Variants in RNF149 observed in about 807,000 individuals in gnomAD.
RNF149 encodes E3 ubiquitin-protein ligase RNF149.
RNF149 carries 21 observed loss-of-function variants against 39.0 expected under a neutral mutation model. The observed-to-expected ratio is 0.54, with a 90% confidence interval of 0.38 to 0.77. RNF149 has a LOEUF of 0.77. Ranked by LOEUF, RNF149 falls within the 30% of genes least tolerant of loss-of-function variation. The probability of loss-of-function intolerance (pLI) is 0.00; values close to 1 mark genes in which losing one functional copy is unlikely to be tolerated. For synonymous variants in RNF149, 209 were observed against 213.6 expected (o/e 0.98, Z 0.19); for missense variants, 493 against 534.9 (o/e 0.92, Z 0.77).
chr2:101,300,900 T>C lies in RNF149; in HGVS notation c.461-5719A>G, dbSNP rs148420258. 6.4e-4 allele frequency among the ~76,000 whole-genome samples: 98 copies of C among 152,292 alleles called. 2 individuals are homozygous for C. The highest frequency in any genetic ancestry group is 2.1e-3 in the African/African-American group (86 of 41,576). On this transcript the variant is annotated intron_variant, in intron 1 of 6. Transcript: ENST00000295317. ...GCAAGGGGTGCCAGGCACGGGCACC[T>C]TGCGGGCCCTACTCTTGCCTCCGAT... is the stretch of plus-strand genomic sequence containing the variant.
At chr2:101,282,816 G>A (rs775504957) in intron 5 of RNF149, among the ~76,000 whole-genome samples, 3 of 151,924 alleles carry the variant, frequency 2.0e-5, no homozygotes, top group Middle Eastern at 3.2e-3. Flanking sequence ...CACCACTCAC[G>A]GGCACCCCTC....
At chr2:101,294,887 G>C in intron 2 of RNF149, 44 bp downstream of exon 2, 1 of 1,478,172 alleles carries the variant, frequency 6.8e-7, no homozygotes, top group Non-Finnish European at 9.4e-7. Flanking sequence ...GCATATTTAT[G>C]AATTATCTTT....
intron 5 of RNF149, among the ~76,000 whole-genome samples, chr2:101,282,771 C>G (rs1369328080): frequency 6.6e-6 from 1 of 152,152 alleles, no homozygotes. Flanking sequence ...CTATGACCTT[C>G]TGGCTCAGCA....
rs767431543 is a variant in RNF149, at chr2:101,308,110, C to A, written c.460+19G>T. Reference sequence around the variant, plus strand: ...TGCCGCGAAGTCCCCCTCCCGTCCTCGCGCCCCGGCCTGCTCACCCGCGTG... The same window carrying A: ...TGCCGCGAAGTCCCCCTCCCGTCCTAGCGCCCCGGCCTGCTCACCCGCGTG... On this transcript the variant is annotated intron_variant, in intron 1 of 6. Transcript: ENST00000295317. 6.2e-7 allele frequency: 1 copy of A among 1,603,490 alleles called. No individual in the cohort carries two copies. The highest frequency in any genetic ancestry group is 1.1e-5 in the South Asian group (1 of 90,666).
At chr2:101,282,129 C>A in intron 5 of RNF149, 72 bp from the exon 6 acceptor site, 1 of 1,576,356 alleles carries the variant, frequency 6.3e-7, no homozygotes, top group East Asian at 2.3e-5. Flanking sequence ...TATCATCTGG[C>A]TCGTAATTCA....
Position 101,275,821 on chromosome 2 carries a change from T to G in RNF149, c.*1417A>C. The G allele has an allele frequency of 2.0e-6, 2 of 977,000 alleles. No individual in the cohort carries two copies. 60.5% of individuals were successfully genotyped at this position (977,000 alleles called of 1,614,324 possible). A position where few individuals can be genotyped will look rare whatever the true frequency, so the allele number is the denominator to read the frequency against. On this transcript the variant is annotated 3_prime_UTR_variant, in exon 7 of 7. Transcript: ENST00000295317. ...ATGTATTTTCCTATTTATAATAAACTACAGAAGGTAGATTTCAAAGGTAAT... is the reference window on the plus strand; with the variant it reads ...ATGTATTTTCCTATTTATAATAAACGACAGAAGGTAGATTTCAAAGGTAAT...
Position 101,303,906 on chromosome 2 carries a change from T to C in RNF149, c.460+4223A>G, listed in dbSNP as rs74518762. ...TTGCCAGTACTTGGCACTCAGTAAA[T>C]AACTGTTAAAAAATGAAAGTGCCAT... On this transcript the variant is annotated intron_variant, in intron 1 of 6. Coordinates refer to ENST00000295317, the MANE Select transcript of RNF149 (RefSeq NM_173647.4). Among the ~76,000 whole-genome samples, 143 of 152,276 alleles carry C rather than the reference T, an allele frequency of 9.4e-4. 5 individuals carry two copies. In the East Asian group the frequency reaches 0.021, roughly 22 times the overall value.
intron 1 of RNF149, among the ~76,000 whole-genome samples, chr2:101,301,808 C>T (rs1181738052): frequency 6.6e-6 from 1 of 152,168 alleles, no homozygotes; most frequent in African/African-American, 2.4e-5. Context: ...TTCTGGATGA[C>T]ATGAGTCTAG....
intron 5 of RNF149, among the ~76,000 whole-genome samples, chr2:101,283,239 T>C (rs933770507): frequency 6.6e-6 from 1 of 152,174 alleles, no homozygotes; most frequent in African/African-American, 2.4e-5. Flanking sequence ...TCTTTGGCCA[T>C]GTCATGTCTG....
chr2:101,273,013 A>G (rs1682193435), downstream of RNF149: 2 of 1,352,558 alleles, frequency 1.5e-6, no homozygotes, highest in African/African-American at 3.0e-5. Flanking sequence ...TGATGGAGAC[A>G]CTGCAATTCG....
intron 4 of RNF149, chr2:101,286,636 T>C (rs1573231629): frequency 6.6e-6 from 1 of 152,552 alleles, no homozygotes; most frequent in East Asian, 1.9e-4. Flanking sequence ...TACACAGTTT[T>C]GTATACACTC....
In RNF149 at chr2:101,276,537, T is replaced by G. The variant is rs933448251; in HGVS notation, c.*701A>C. 1.0e-6 allele frequency: 1 copy of G among 985,678 alleles called. No individual in the cohort carries two copies. Among genetic ancestry groups the G allele is most frequent in the African/African-American group, 1.7e-5 (1 of 57,224 alleles). The allele number at this position is 985,678 out of a possible 1,614,324, so 61.1% of individuals were successfully genotyped here. ...GGCAATGAAGAACTTAATGCTCATG[T>G]GCGATATAGAATCTTAGCTTTTTAT... On this transcript the variant is annotated 3_prime_UTR_variant, in exon 7 of 7. Coordinates refer to ENST00000295317, the MANE Select transcript of RNF149 (RefSeq NM_173647.4).
At chr2:101,304,217 C>T (rs1419075307) in intron 1 of RNF149, among the ~76,000 whole-genome samples, 1 of 152,052 alleles carries the variant, frequency 6.6e-6, no homozygotes, top group Non-Finnish European at 1.5e-5. Context: ...ACCAACATGG[C>T]AAAACCCCAT....
At chr2:101,292,722 C>T (rs1272809747) in intron 3 of RNF149, among the ~76,000 whole-genome samples, 12 of 152,012 alleles carry the variant, frequency 7.9e-5, no homozygotes, top group East Asian at 5.8e-4. Flanking sequence ...GCCGAGATTG[C>T]GCCACTGCAC....
downstream of RNF149, among the ~76,000 whole-genome samples, chr2:101,272,361 C>T (rs1324860896): frequency 1.3e-5 from 2 of 152,100 alleles, no homozygotes; most frequent in Non-Finnish European, 2.9e-5. Context: ...CACAACTTTG[C>T]TGTACAAAGA....
At chr2:101,277,416 T>C (rs1337118447) in intron 6 of RNF149, 135 bp from the exon 7 acceptor site, 2 of 1,228,964 alleles carry the variant, frequency 1.6e-6, no homozygotes, top group East Asian at 2.9e-5. Flanking sequence ...TGAGACGGAG[T>C]CTTGTTCTTG....
In RNF149 at chr2:101,308,417, C is replaced by T; in HGVS notation, c.172G>A (p.Val58Ile). 2.5e-6 allele frequency: 4 copies of T among 1,611,336 alleles called. No individual in the cohort carries two copies. Among genetic ancestry groups the T allele is most frequent in the Non-Finnish European group, 2.5e-6 (3 of 1,179,314 alleles). Residue 58 changes from valine to isoleucine, a missense_variant, in exon 1 of 7, where the codon GTC becomes ATC. Coordinates refer to ENST00000295317, the MANE Select transcript of RNF149 (RefSeq NM_173647.4). ...DPQTNLTVWS[V>I]SESGRFGDSS... Reference sequence around the variant, plus strand: ...TCGCCGAAGCGGCCACTCTCCGAGACGCTCCACACCGTCAGGTTGGTCTGC... The same window carrying T: ...TCGCCGAAGCGGCCACTCTCCGAGATGCTCCACACCGTCAGGTTGGTCTGC...
At position 101,276,500 on chromosome 2, in the gene RNF149, T is replaced by A. The variant is rs922002212; in HGVS notation, c.*738A>T. On this transcript the variant is annotated 3_prime_UTR_variant, in exon 7 of 7. Transcript: ENST00000295317. ...ACAGATTCTGAGTCTGCCTACTCAT[T>A]TTCCTTAACAAGGCAATGAAGAACT... The A allele has an allele frequency of 2.0e-6, 2 of 985,718 alleles. No individual in the cohort carries two copies. The highest frequency in any genetic ancestry group is 3.5e-5 in the African/African-American group (2 of 57,230). 61.1% of individuals were successfully genotyped at this position (985,718 alleles called of 1,614,324 possible). A position where few individuals can be genotyped will look rare whatever the true frequency, so the allele number is the denominator to read the frequency against.
At chr2:101,278,646 GCATTACCTGACATATT>G (rs1558776594) in intron 6 of RNF149, among the ~76,000 whole-genome samples, 2 of 152,140 alleles carry the variant, frequency 1.3e-5, no homozygotes, top group Non-Finnish European at 2.9e-5. Flanking sequence ...TAATTCATGT[GCATTACCTGACATATT>G]CATTTGAAGT....
Sources: allele counts gnomAD v4.1 joint callset (sites outside exome capture counted in the v4.1 genomes callset), GRCh38; gene constraint gnomAD v4.1.1; transcripts MANE v1.5; gene names NCBI Gene and HGNC (gene_info 2026-07-23, HGNC 2026-07-21).